Variants in TMEM182 observed in about 807,000 individuals in gnomAD.
The protein encoded by TMEM182 is transmembrane protein 182.
TMEM182 carries 20 observed loss-of-function variants against 26.8 expected under a neutral mutation model. The ratio of observed to expected loss-of-function variants is 0.75; its 90% CI spans 0.53 to 1.09. The LOEUF is 1.09. Ranked by LOEUF, TMEM182 falls within the 50% of genes least tolerant of loss-of-function variation. TMEM182 has a pLI of 0.00. For synonymous variants in TMEM182, 109 were observed against 102.2 expected, an observed-to-expected ratio of 1.07 and a Z score of -0.40; for missense variants, 277 against 275.5, an observed-to-expected ratio of 1.01 and a Z score of -0.04.
intron 4 of TMEM182, among the ~76,000 whole-genome samples, chr2:102,807,447 A>G (rs140030334): frequency 6.6e-6 from 1 of 152,352 alleles, no homozygotes; most frequent in East Asian, 1.9e-4. Context: ...ATTTTATGGG[A>G]AAACAATAGC....
At chr2:102,773,210 A>C (rs541695355) in intron 3 of TMEM182, among the ~76,000 whole-genome samples, 1 of 152,108 alleles carries the variant, frequency 6.6e-6, no homozygotes, top group African/African-American at 2.4e-5. Flanking sequence ...CCAAAAAAAA[A>C]AGGATAAAAG....
At chr2:102,787,045 C>T (rs771552666) in intron 3 of TMEM182, among the ~76,000 whole-genome samples, 9 of 152,166 alleles carry the variant, frequency 5.9e-5, no homozygotes, top group East Asian at 1.9e-4. Flanking sequence ...GTCGCACACC[C>T]GGTAAAGGGT....
At chr2:102,756,906 G>A (rs1369582160) in intron 1 of TMEM182, among the ~76,000 whole-genome samples, 6 of 151,846 alleles carry the variant, frequency 4.0e-5, no homozygotes, top group South Asian at 4.2e-4. Context: ...CTCCACCTCC[G>A]GGGTTGAAGC....
chr2:102,811,593 T>C (rs1001406343), intron 4 of TMEM182, among the ~76,000 whole-genome samples: 5 of 152,224 alleles, frequency 3.3e-5, no homozygotes, highest in African/African-American at 1.2e-4. Flanking sequence ...TCTACACTTA[T>C]AAGTTAGTGT....
Position 102,817,227 on chromosome 2 carries a change from C to T in TMEM182, c.*2259C>T. On this transcript the variant is annotated 3_prime_UTR_variant, in exon 5 of 5. Transcript: ENST00000412401. Reference sequence around the variant, plus strand: ...TTGAGATACTGTGTTGCCAAATGTCCATGTTATGTTTATTTCTCTATTGGT... The same window carrying T: ...TTGAGATACTGTGTTGCCAAATGTCTATGTTATGTTTATTTCTCTATTGGT... 1 of 985,290 alleles carries T rather than the reference C, an allele frequency of 1.0e-6. No individual in the cohort carries two copies. The highest frequency in any genetic ancestry group is 1.2e-6 in the Non-Finnish European group (1 of 829,876). The allele number at this position is 985,290 out of a possible 1,614,324, so 61.0% of individuals were successfully genotyped here. A position where few individuals can be genotyped will look rare whatever the true frequency, so the allele number is the denominator to read the frequency against.
At position 102,737,965 on chromosome 2, in the gene TMEM182, G is replaced by T. The variant is rs967615604; in HGVS notation, c.-83+952G>T. On this transcript the variant is annotated intron_variant, in intron 1 of 5. Transcript: ENST00000409173. ...AGTGTTGCAAAGTTTCTCATGGGAG[G>T]TGGCACTGAATAGGGAGAAGTGGAA... Among the ~76,000 whole-genome samples the T allele has an allele frequency of 6.6e-5, 10 of 152,310 alleles. 1 individual carries two copies. The highest frequency in any genetic ancestry group is 6.5e-4 in the Admixed American group (10 of 15,298).
At position 102,816,391 on chromosome 2, in the gene TMEM182, T is replaced by C; in HGVS notation, c.*1423T>C. 1 of 985,094 alleles carries C rather than the reference T, an allele frequency of 1.0e-6. No individual in the cohort carries two copies. Among genetic ancestry groups the C allele is most frequent in the Non-Finnish European group, 1.2e-6 (1 of 829,850 alleles). 61.0% of individuals were successfully genotyped at this position (985,094 alleles called of 1,614,324 possible). Reference sequence around the variant, plus strand: ...AGCTCTTCCAATGCCGTGGGAGAGGTGATCCCAGTCTTCTCTGTACATCTT... The same window carrying C: ...AGCTCTTCCAATGCCGTGGGAGAGGCGATCCCAGTCTTCTCTGTACATCTT... On this transcript the variant is annotated 3_prime_UTR_variant, in exon 5 of 5. Coordinates refer to ENST00000412401, the MANE Select transcript of TMEM182 (RefSeq NM_144632.5).
intron 3 of TMEM182, among the ~76,000 whole-genome samples, chr2:102,839,447 C>CTATATATATATATATATATATATATA (rs10691405): frequency 6.0e-5 from 8 of 134,402 alleles, no homozygotes; most frequent in African/African-American, 2.2e-4. Context: ...TGATGTTTTG[C>CTATATATATATATATATATATATATA]TATATATATA....
intron 3 of TMEM182, among the ~76,000 whole-genome samples, chr2:102,834,999 A>G (rs1224017161): frequency 1.3e-5 from 2 of 152,170 alleles, no homozygotes; most frequent in African/African-American, 4.8e-5. Context: ...TCCTTTGGAA[A>G]TTAAGGATAA....
chr2:102,762,528 A>C, intron 1 of TMEM182, 59 bp from the exon 2 acceptor site: 3 of 1,567,582 alleles, frequency 1.9e-6, no homozygotes, highest in Non-Finnish European at 2.6e-6. Flanking sequence ...TACTGGCTGT[A>C]ATGATTTTGA....
chr2:102,768,073 A>T (rs1172455103), intron 3 of TMEM182, among the ~76,000 whole-genome samples: 1 of 152,176 alleles, frequency 6.6e-6, no homozygotes, highest in Non-Finnish European at 1.5e-5. Context: ...CCCCTACGCC[A>T]CTGGTACATG....
Position 102,762,669 on chromosome 2 carries a change from T to C in TMEM182, c.215T>C (p.Ile72Thr), listed in dbSNP as rs748717977. 6 of 1,613,718 alleles carry C rather than the reference T, an allele frequency of 3.7e-6. No individual in the cohort carries two copies. Among genetic ancestry groups the C allele is most frequent in the Admixed American group, 3.3e-5 (2 of 59,988 alleles). The change falls in exon 2 of 5, where the codon ATT (isoleucine) becomes ACT (threonine). Residue 72 changes from isoleucine (I) to threonine (T), a missense_variant. Transcript: ENST00000412401. ...ATTGTGGAAGAGAATGACTCCAATA[T>C]TTGGAAGTTCTGGTACAGTAAGTAC... ...NGIVEENDSNIWKFWYTNQPP... is the reference protein window; with the variant it reads ...NGIVEENDSNTWKFWYTNQPP...
At chr2:102,818,644 A>G, downstream of TMEM182, among the ~76,000 whole-genome samples, 1 of 152,144 alleles carries the variant, frequency 6.6e-6, no homozygotes, top group East Asian at 1.9e-4. Context: ...GGATTCAGCT[A>G]TGACTGAAAA....
At chr2:102,740,675 T>C (rs13402431) in intron 1 of TMEM182, among the ~76,000 whole-genome samples, 2,334 of 152,260 alleles carry the variant, frequency 0.015, 69 homozygotes, top group African/African-American at 0.054. Context: ...CAAAGTTAAA[T>C]GCACACCTAC....
chr2:102,762,142 G>GTTT lies in TMEM182; in HGVS notation c.-74_-73insTTT. 5.9e-6 allele frequency: 5 copies of GTTT among 852,406 alleles called. No homozygotes were observed. Among genetic ancestry groups the GTTT allele is most frequent in the East Asian group, 3.3e-5 (1 of 29,882 alleles). The allele number at this position is 852,406 out of a possible 1,614,324, so 52.8% of individuals were successfully genotyped here. ...TTATTCTTTTTTTTTTTTTTTTGCT[G>GTTT]TTGTTTCTGAGAAACTAGGTGTCTT... On this transcript the variant is annotated 5_prime_UTR_variant, in exon 1 of 5. Coordinates refer to ENST00000412401, the MANE Select transcript of TMEM182 (RefSeq NM_144632.5).
chr2:102,747,666 G>A (rs144430022), intron 1 of TMEM182, among the ~76,000 whole-genome samples: 1 of 151,964 alleles, frequency 6.6e-6, no homozygotes, highest in East Asian at 1.9e-4. Context: ...AACAACAACA[G>A]GATCTTTAAA....
chr2:102,839,476 A>AATATG (rs1683308576), intron 3 of TMEM182, among the ~76,000 whole-genome samples: 1 of 124,948 alleles, frequency 8.0e-6, no homozygotes, highest in Non-Finnish European at 1.7e-5. Flanking sequence ...TATATAATAT[A>AATATG]TACACACAAA....
chr2:102,818,112 T>A (rs1682813876), downstream of TMEM182, among the ~76,000 whole-genome samples: 1 of 152,184 alleles, frequency 6.6e-6, no homozygotes, highest in African/African-American at 2.4e-5. Flanking sequence ...GGGGTTACAT[T>A]GAAGAAAATA....
In TMEM182 at chr2:102,798,004, C is replaced by T. The variant is rs376313930; in HGVS notation, c.469+4C>T. The T allele has an allele frequency of 8.0e-5, 129 of 1,608,908 alleles. No homozygotes were observed. Among genetic ancestry groups the T allele is most frequent in the African/African-American group, 7.4e-4 (55 of 74,576 alleles). On this transcript the variant is annotated splice_donor_region_variant and intron_variant, in intron 4 of 4. Coordinates refer to ENST00000412401, the MANE Select transcript of TMEM182 (RefSeq NM_144632.5). ...GGAGGCTCATATATTGCTGCAGGTA[C>T]GTACGGTGCAATGGGTATGACTTTC...
Sources: gnomAD v4.1 joint callset for allele counts (sites outside exome capture counted in the v4.1 genomes callset) on GRCh38, gnomAD v4.1.1 for gene constraint, MANE v1.5 for transcripts, NCBI Gene and HGNC (gene_info 2026-07-23, HGNC 2026-07-21) for gene names.